Variants in USP25 observed in about 807,000 individuals in gnomAD.
USP25 encodes the protein ubiquitin carboxyl-terminal hydrolase 25.
In USP25, 85 loss-of-function variants were observed where a neutral mutation model predicts 158.5. That is an observed-to-expected ratio of 0.54 (90% CI 0.45 to 0.64). The LOEUF (loss-of-function observed/expected upper bound fraction) is 0.64, where lower values mean the gene tolerates loss of function less well. Among genes scored for constraint, USP25 ranks in the 30% least tolerant of loss-of-function variants. The pLI is 0.00. For synonymous variants in USP25, 464 were observed against 460.4 expected (o/e 1.01, Z -0.10); for missense variants, 1,242 against 1,327.3 (o/e 0.94, Z 1.00).
At chr21:15,753,567 T>G (rs1485029121) in intron 1 of USP25, among the ~76,000 whole-genome samples, 1 of 152,208 alleles carries the variant, frequency 6.6e-6, no homozygotes, top group East Asian at 1.9e-4. Flanking sequence ...CTAGATGGAA[T>G]GTAGGAGTGT....
chr21:15,838,381 A>G (rs2146424346), intron 17 of USP25, among the ~76,000 whole-genome samples: 1 of 152,216 alleles, frequency 6.6e-6, no homozygotes, highest in East Asian at 1.9e-4. Context: ...GGAGAACATA[A>G]AATTTTAAAG....
intron 14 of USP25, among the ~76,000 whole-genome samples, chr21:15,828,280 G>A (rs1184402473): frequency 6.6e-6 from 1 of 152,150 alleles, no homozygotes; most frequent in Non-Finnish European, 1.5e-5. Flanking sequence ...CATTAATCAA[G>A]CAAATAGTGT....
At chr21:15,772,500 C>T (rs138797321) in intron 3 of USP25, among the ~76,000 whole-genome samples, 361 of 152,258 alleles carry the variant, frequency 2.4e-3, no homozygotes, top group African/African-American at 8.3e-3. Flanking sequence ...TAGTGTTTTA[C>T]CAAGGTCTTG....
intron 10 of USP25, 45 bp downstream of exon 10, chr21:15,818,891 C>T: frequency 6.3e-7 from 1 of 1,597,438 alleles, no homozygotes; most frequent in Non-Finnish European, 8.6e-7. Context: ...CTAGGTCTTT[C>T]TTACAATGCT....
intron 20 of USP25, among the ~76,000 whole-genome samples, chr21:15,850,218 T>C (rs969943500): frequency 4.6e-5 from 7 of 152,224 alleles, no homozygotes; most frequent in Non-Finnish European, 1.0e-4. Context: ...GGTAATAGTT[T>C]ATTTTATCTT....
intron 5 of USP25, among the ~76,000 whole-genome samples, chr21:15,799,361 G>T (rs2036018887): frequency 6.6e-6 from 1 of 151,174 alleles, no homozygotes; most frequent in Non-Finnish European, 1.5e-5. Context: ...GATCTGATGA[G>T]TAAATTTATT....
Position 15,878,680 on chromosome 21 carries a change from G to C in USP25, c.*205G>C. 2.3e-6 allele frequency: 1 copy of C among 438,842 alleles called. No homozygotes were observed. The highest frequency in any genetic ancestry group is 3.9e-6 in the Non-Finnish European group (1 of 257,164). 27.2% of individuals were successfully genotyped at this position (438,842 alleles called of 1,614,324 possible). Reference sequence around the variant, plus strand: ...GCATGGCGCTCAGACATTTTAACCGGAACTGATGTATAATCACAAATCTAA... The same window carrying C: ...GCATGGCGCTCAGACATTTTAACCGCAACTGATGTATAATCACAAATCTAA... On this transcript the variant is annotated 3_prime_UTR_variant, in exon 26 of 26. Transcript: ENST00000400183.
intron 1 of USP25, among the ~76,000 whole-genome samples, chr21:15,754,739 T>C (rs1411071259): frequency 6.6e-6 from 1 of 152,162 alleles, no homozygotes; most frequent in Non-Finnish European, 1.5e-5. Context: ...GACTATACTA[T>C]AGGAAAATTC....
chr21:15,866,230 TAC>T (rs763044686), intron 21 of USP25, 34 bp from the exon 22 acceptor site: 2 of 1,420,592 alleles, frequency 1.4e-6, no homozygotes, highest in Admixed American at 2.0e-5. Context: ...TACACACACA[TAC>T]ACACACGCTC....
chr21:15,859,245 T>A (rs1481020301), intron 20 of USP25, among the ~76,000 whole-genome samples: 1 of 151,062 alleles, frequency 6.6e-6, no homozygotes, highest in Admixed American at 6.6e-5. Context: ...CAGGCTGGAG[T>A]GCAGTGGTGC....
At chr21:15,800,019 C>G (rs998131737) in intron 6 of USP25, among the ~76,000 whole-genome samples, 176 bp downstream of exon 6, 1 of 151,192 alleles carries the variant, frequency 6.6e-6, no homozygotes, top group Non-Finnish European at 1.5e-5. Flanking sequence ...ATTATAAATA[C>G]GACTTTTTTC....
chr21:15,791,797 C>A, intron 5 of USP25, 133 bp downstream of exon 5: 1 of 910,174 alleles, frequency 1.1e-6, no homozygotes, highest in Non-Finnish European at 1.5e-6. Flanking sequence ...GTCTAATAAA[C>A]TAGCTTGGGG....
chr21:15,757,801 CAT>C lies in USP25; in HGVS notation c.46-5089_46-5088del, dbSNP rs1021430607. 4.6e-5 allele frequency among the ~76,000 whole-genome samples: 7 copies of C among 152,222 alleles called. 1 individual carries two copies. In the East Asian group the frequency reaches 7.7e-4, roughly 17 times the overall value. ...TCATCCATGACAAAAGGAAATACAT[CAT>C]GTGTGAGGAAGTAAAAGTGGCAAAG... On this transcript the variant is annotated intron_variant, in intron 1 of 25. Transcript: ENST00000400183.
rs1340424894 is a variant in USP25 at position 15,811,182 on chromosome 21, C to T, written c.903C>T (p.Gly301=). The T allele has an allele frequency of 2.5e-6, 4 of 1,612,974 alleles. No homozygotes were observed. The South Asian group carries it at 3.3e-5, about 13-fold the overall frequency. ...ACCCCATGGTAGAGTTGTTCTATGG[C>T]AGATTCCTGGCTGTGGGAGTACTTG... is the stretch of plus-strand genomic sequence containing the variant. The part of the protein sequence containing the change: ...PKNPMVELFY[G]RFLAVGVLEG... Residue 301 remains glycine, a synonymous_variant, in exon 9 of 26, where the codon GGC becomes GGT. Transcript: ENST00000400183.
chr21:15,819,659 T>C (rs555450488), intron 10 of USP25, among the ~76,000 whole-genome samples: 2 of 152,306 alleles, frequency 1.3e-5, no homozygotes, highest in South Asian at 4.1e-4. Context: ...TTGGTGCTTA[T>C]CAAACAAGTT....
rs1414358045 is a variant in USP25 at position 15,766,820 on chromosome 21, C to G, written c.268+679C>G. Among the ~76,000 whole-genome samples, 2 of 151,928 alleles carry G rather than the reference C, an allele frequency of 1.3e-5. No individual in the cohort carries two copies. The highest frequency in any genetic ancestry group is 2.4e-5 in the African/African-American group (1 of 41,378). ...TAATTGTACTACATAAAAATAGTTACTTTTATGCCTTATGGATTTGCAAAG... is the reference window on the plus strand; with the variant it reads ...TAATTGTACTACATAAAAATAGTTAGTTTTATGCCTTATGGATTTGCAAAG... On this transcript the variant is annotated intron_variant, in intron 3 of 25. Transcript: ENST00000400183. This position sits in a 1 kb window ranked among gnomAD's most constrained non-coding sequence, Gnocchi z 4.0.
At chr21:15,846,122 GTATA>G (rs34210530) in intron 18 of USP25, among the ~76,000 whole-genome samples, 2,241 of 55,500 alleles carry the variant, frequency 0.04, 186 homozygotes, top group South Asian at 0.055. Flanking sequence ...GTGTGTGTGT[GTATA>G]TATATATATA....
chr21:15,754,416 G>A (rs1478850551), intron 1 of USP25, among the ~76,000 whole-genome samples: 2 of 152,184 alleles, frequency 1.3e-5, no homozygotes, highest in East Asian at 3.8e-4. Flanking sequence ...ACGAATTATG[G>A]TCTCATTGAT....
At chr21:15,863,454 G>A (rs566761078) in intron 20 of USP25, among the ~76,000 whole-genome samples, 1 of 152,186 alleles carries the variant, frequency 6.6e-6, no homozygotes, top group Middle Eastern at 3.4e-3. Context: ...GGGCTATTCA[G>A]CTAAAAGTTA....
Sources: gnomAD v4.1 joint callset for allele counts (sites outside exome capture counted in the v4.1 genomes callset) on GRCh38, gnomAD v4.1.1 for gene constraint, Gnocchi (gnomAD v3.1) non-coding constraint, MANE v1.5 for transcripts, NCBI Gene and HGNC (gene_info 2026-07-23, HGNC 2026-07-21) for gene names.